PDE4B: variants seen among roughly 807,000 people sequenced by gnomAD.
PDE4B encodes the protein 3',5'-cyclic-AMP phosphodiesterase 4B.
PDE4B carries 20 observed loss-of-function variants against 82.2 expected under a neutral mutation model. The observed-to-expected ratio is 0.24, with a 90% CI of 0.17 to 0.35. The LOEUF is 0.35. PDE4B is among the 10% of genes least tolerant of loss of function. The pLI, the probability that PDE4B is intolerant of heterozygous loss-of-function variation, is 1.00. For missense variants in PDE4B, 655 were observed against 907.2 expected, an observed-to-expected ratio of 0.72 and a Z score of 3.57; for synonymous variants, 320 against 318.9, an observed-to-expected ratio of 1.00 and a Z score of -0.04.
chr1:66,213,462 A>G (rs1004580865), intron 3 of PDE4B, among the ~76,000 whole-genome samples: 1 of 152,116 alleles, frequency 6.6e-6, no homozygotes, highest in Non-Finnish European at 1.5e-5. Flanking sequence ...CTACATACCT[A>G]TAGCATTTCT....
intron 1 of PDE4B, among the ~76,000 whole-genome samples, chr1:65,799,943 G>T (rs566685834): frequency 6.6e-6 from 1 of 152,184 alleles, no homozygotes; most frequent in Non-Finnish European, 1.5e-5. Flanking sequence ...TTACTATATG[G>T]AGAAACAGTG....
intron 3 of PDE4B, among the ~76,000 whole-genome samples, chr1:65,938,466 T>C (rs1648270907): frequency 6.6e-6 from 1 of 152,228 alleles, no homozygotes; most frequent in Non-Finnish European, 1.5e-5. Flanking sequence ...TTAGATAGAC[T>C]AATGATGCTT....
intron 7 of PDE4B, among the ~76,000 whole-genome samples, chr1:66,294,559 C>G (rs1171976674): frequency 5.9e-5 from 9 of 152,296 alleles, no homozygotes; most frequent in Admixed American, 5.2e-4. Context: ...CCATTTCTAT[C>G]AGGTTTCTCT....
chr1:66,336,861 A>T (rs1332741152), intron 8 of PDE4B, among the ~76,000 whole-genome samples: 1 of 152,218 alleles, frequency 6.6e-6, no homozygotes, highest in Admixed American at 6.5e-5. Context: ...TGGAGCACAA[A>T]GGCAACTAAT....
intron 3 of PDE4B, among the ~76,000 whole-genome samples, chr1:66,196,554 C>A (rs1172769019): frequency 6.6e-6 from 1 of 152,128 alleles, no homozygotes; most frequent in Non-Finnish European, 1.5e-5. Context: ...CCCTCCTCCC[C>A]CAATTTATTT....
Position 66,373,034 on chromosome 1 carries a change from A to T in PDE4B, c.*356A>T, listed in dbSNP as rs2050840882. ...ACTGAACTCACTGACTAATAACTTC[A>T]TTTATGAATCTTCTCACTTGTCCCT... On this transcript the variant is annotated 3_prime_UTR_variant, in exon 17 of 17. Coordinates refer to ENST00000341517, the MANE Select transcript of PDE4B (RefSeq NM_002600.4). The T allele has an allele frequency of 4.9e-6, 1 of 202,426 alleles. No individual in the cohort carries two copies. The highest frequency in any genetic ancestry group is 1.0e-5 in the Non-Finnish European group (1 of 98,124). 12.5% of individuals were successfully genotyped at this position (202,426 alleles called of 1,614,324 possible).
intron 3 of PDE4B, among the ~76,000 whole-genome samples, chr1:66,086,882 T>C (rs1361228158): frequency 6.6e-6 from 1 of 152,106 alleles, no homozygotes; most frequent in Admixed American, 6.6e-5. Context: ...ATAGAGGTGT[T>C]TAAAGAGAGA....
intron 3 of PDE4B, among the ~76,000 whole-genome samples, chr1:66,074,519 C>A (rs1656316547): frequency 6.6e-6 from 1 of 152,092 alleles, no homozygotes; most frequent in Admixed American, 6.6e-5. Context: ...TTGAAATTTA[C>A]AGCTCATGGC....
At chr1:65,996,193 T>C in intron 3 of PDE4B, among the ~76,000 whole-genome samples, 1 of 152,154 alleles carries the variant, frequency 6.6e-6, no homozygotes, top group Non-Finnish European at 1.5e-5. Flanking sequence ...CCACAATTAC[T>C]CCATCTTTAA....
intron 7 of PDE4B, among the ~76,000 whole-genome samples, chr1:66,328,495 G>T (rs1659886929): frequency 6.6e-6 from 1 of 152,204 alleles, no homozygotes; most frequent in African/African-American, 2.4e-5. Context: ...GCTCAGAAGG[G>T]CTCCATATTT....
chr1:65,951,254 G>GC (rs1204108550), intron 3 of PDE4B, among the ~76,000 whole-genome samples: 1 of 152,062 alleles, frequency 6.6e-6, no homozygotes, highest in Non-Finnish European at 1.5e-5. Flanking sequence ...GTGTGATCTA[G>GC]CATGAGAAAG....
intron 3 of PDE4B, among the ~76,000 whole-genome samples, chr1:66,225,755 T>G (rs1651400611): frequency 6.6e-6 from 1 of 152,268 alleles, no homozygotes; most frequent in Non-Finnish European, 1.5e-5. Flanking sequence ...TACTGTTCTT[T>G]GAGTCTCCTG....
chr1:65,824,138 C>T (rs1366957440), intron 1 of PDE4B, among the ~76,000 whole-genome samples: 1 of 152,110 alleles, frequency 6.6e-6, no homozygotes, highest in Non-Finnish European at 1.5e-5. Context: ...GAACCCAAGT[C>T]TCAGGATTGT....
intron 9 of PDE4B, among the ~76,000 whole-genome samples, 197 bp downstream of exon 9, chr1:66,355,817 T>TA (rs1662192667): frequency 6.6e-6 from 1 of 152,120 alleles, no homozygotes; most frequent in African/African-American, 2.4e-5. Flanking sequence ...AAAAAAGAAT[T>TA]AAAATACCCA....
chr1:66,344,718 G>T (rs913666026), intron 8 of PDE4B, among the ~76,000 whole-genome samples: 2 of 152,250 alleles, frequency 1.3e-5, no homozygotes, highest in East Asian at 3.9e-4. Flanking sequence ...GCTCCTTTTC[G>T]TAAAGTTAAT....
intron 3 of PDE4B, among the ~76,000 whole-genome samples, chr1:66,008,757 G>A (rs1020708271): frequency 2.0e-5 from 3 of 151,756 alleles, no homozygotes; most frequent in Non-Finnish European, 4.4e-5. Flanking sequence ...GACATTCCAT[G>A]TGCCAAATAT....
intron 1 of PDE4B, among the ~76,000 whole-genome samples, chr1:65,864,794 T>A (rs1437332573): frequency 6.6e-6 from 1 of 152,170 alleles, no homozygotes; most frequent in African/African-American, 2.4e-5. Flanking sequence ...GTATGAAGTG[T>A]CTGTCGACCC....
At chr1:65,914,618 A>T (rs1647137869) in intron 2 of PDE4B, among the ~76,000 whole-genome samples, 1 of 149,468 alleles carries the variant, frequency 6.7e-6, no homozygotes, top group African/African-American at 2.4e-5. Flanking sequence ...AAAAAAAAAA[A>T]GGCTTGTGAT....
At chr1:66,285,254 A>G (rs1388205456) in intron 7 of PDE4B, among the ~76,000 whole-genome samples, 1 of 152,200 alleles carries the variant, frequency 6.6e-6, no homozygotes, top group African/African-American at 2.4e-5. Context: ...ATATCTACAC[A>G]ACACAAATTG....
Sources: allele counts gnomAD v4.1 joint callset (sites outside exome capture counted in the v4.1 genomes callset), GRCh38; gene constraint gnomAD v4.1.1; transcripts MANE v1.5; gene names NCBI Gene and HGNC (gene_info 2026-07-23, HGNC 2026-07-21).